Variants in ERBB4 observed in about 807,000 individuals in gnomAD.
The protein encoded by ERBB4 is erb-b2 receptor tyrosine kinase 4.
ERBB4 carries 42 observed loss-of-function variants against 158.0 expected under a neutral mutation model. That is an observed-to-expected ratio of 0.27 (90% CI 0.21 to 0.34). The LOEUF (loss-of-function observed/expected upper bound fraction) is 0.34, where lower values mean the gene tolerates loss of function less well. Among genes scored for constraint, ERBB4 ranks in the 10% least tolerant of loss-of-function variants. ERBB4 has a pLI of 1.00. For missense variants in ERBB4, 1,333 were observed against 1,624.1 expected, an observed-to-expected ratio of 0.82 and a Z score of 3.08; for synonymous variants, 583 against 558.7, an observed-to-expected ratio of 1.04 and a Z score of -0.61.
intron 2 of ERBB4, among the ~76,000 whole-genome samples, chr2:211,948,527 T>C (rs1456508914): frequency 2.0e-5 from 3 of 151,782 alleles, no homozygotes; most frequent in South Asian, 2.1e-4. Context: ...ACTGTTTAAA[T>C]TTAGTTGTCT....
At chr2:211,965,420 C>A (rs1195163510) in intron 2 of ERBB4, among the ~76,000 whole-genome samples, 2 of 152,098 alleles carry the variant, frequency 1.3e-5, no homozygotes, top group South Asian at 2.1e-4. Flanking sequence ...TATAAATATG[C>A]CATCTTCATA....
intron 15 of ERBB4, 115 bp downstream of exon 15, chr2:211,665,208 A>T: frequency 9.5e-7 from 1 of 1,052,662 alleles, no homozygotes; most frequent in Non-Finnish European, 1.5e-6. Flanking sequence ...CATTTTAAAT[A>T]TAAGGATTAG....
chr2:212,230,498 GTCAA>G (rs2083625310), intron 1 of ERBB4, among the ~76,000 whole-genome samples: 1 of 152,028 alleles, frequency 6.6e-6, no homozygotes, highest in Non-Finnish European at 1.5e-5. Flanking sequence ...CAAATTCATT[GTCAA>G]ACACCATCAC....
chr2:211,643,510 C>T (rs374824513), intron 16 of ERBB4, among the ~76,000 whole-genome samples: 113 of 152,154 alleles, frequency 7.4e-4, no homozygotes, highest in Non-Finnish European at 6.6e-4. Flanking sequence ...CTGAAAAGTT[C>T]GTATGAAAAG....
intron 1 of ERBB4, among the ~76,000 whole-genome samples, chr2:212,404,288 T>A (rs1007131475): frequency 6.6e-6 from 1 of 152,048 alleles, no homozygotes; most frequent in African/African-American, 2.4e-5. Flanking sequence ...TCTTCAATAC[T>A]CAATAAACTA....
rs114527315 is a variant in ERBB4 at position 212,258,598 on chromosome 2, T to C, written c.83-133695A>G. On this transcript the variant is annotated intron_variant, in intron 1 of 27. Coordinates refer to ENST00000342788, the MANE Select transcript of ERBB4 (RefSeq NM_005235.3). Reference sequence around the variant, plus strand: ...CAGGGAACATACTTGCCAATTTCTCTTTAAAAATATATAAGATATATATAA... The same window carrying C: ...CAGGGAACATACTTGCCAATTTCTCCTTAAAAATATATAAGATATATATAA... 9.7e-3 allele frequency among the ~76,000 whole-genome samples: 1,438 copies of C among 148,420 alleles called. 21 individuals are homozygous for C. The highest frequency in any genetic ancestry group is 0.034 in the African/African-American group (1,378 of 40,936).
intron 20 of ERBB4, among the ~76,000 whole-genome samples, chr2:211,536,994 T>A (rs1324372082): frequency 6.6e-6 from 1 of 152,022 alleles, no homozygotes; most frequent in Non-Finnish European, 1.5e-5. Flanking sequence ...AGACAAAAGC[T>A]TTTCTTTATT....
At chr2:212,290,250 T>C (rs2086154615) in intron 1 of ERBB4, among the ~76,000 whole-genome samples, 1 of 152,174 alleles carries the variant, frequency 6.6e-6, no homozygotes, top group Non-Finnish European at 1.5e-5. Flanking sequence ...TTCTGTTTCC[T>C]TCTTTTCCTG....
intron 4 of ERBB4, among the ~76,000 whole-genome samples, chr2:211,770,012 T>C (rs1315468007): frequency 2.0e-5 from 3 of 152,210 alleles, no homozygotes; most frequent in Non-Finnish European, 4.4e-5. Context: ...ATATTAACCA[T>C]CACAGATGAG....
chr2:212,114,090 T>C (rs531225155), intron 2 of ERBB4, among the ~76,000 whole-genome samples: 154 of 152,348 alleles, frequency 1.0e-3, no homozygotes, highest in African/African-American at 3.2e-3. Flanking sequence ...TGCAGTGAAC[T>C]AGACATGGGC....
intron 1 of ERBB4, among the ~76,000 whole-genome samples, chr2:212,317,085 A>T (rs1343420165): frequency 6.6e-6 from 1 of 151,514 alleles, no homozygotes; most frequent in Non-Finnish European, 1.5e-5. Context: ...TAAAAATGTA[A>T]AATTGTTGAG....
At chr2:212,090,609 C>T (rs943051134) in intron 2 of ERBB4, among the ~76,000 whole-genome samples, 2 of 152,100 alleles carry the variant, frequency 1.3e-5, no homozygotes, top group Non-Finnish European at 2.9e-5. Context: ...GCTTGCTCCA[C>T]AATTCTCCAT....
chr2:211,769,661 G>T (rs1284549918), intron 4 of ERBB4, among the ~76,000 whole-genome samples: 1 of 152,148 alleles, frequency 6.6e-6, no homozygotes, highest in Non-Finnish European at 1.5e-5. Flanking sequence ...TCAGTCTGTG[G>T]CCAAAGTGGC....
chr2:211,428,233 AAAATAAAATAT>A (rs773650003), intron 22 of ERBB4, among the ~76,000 whole-genome samples, 164 bp downstream of exon 22: 1 of 145,414 alleles, frequency 6.9e-6, no homozygotes, highest in Non-Finnish European at 1.5e-5. Flanking sequence ...AAAATAAAAT[AAAATAAAATAT>A]TTTTTTTTCA....
intron 1 of ERBB4, among the ~76,000 whole-genome samples, chr2:212,498,307 T>G (rs966926829): frequency 1.2e-4 from 18 of 152,142 alleles, no homozygotes; most frequent in Admixed American, 6.6e-5. Context: ...GGATTAATTT[T>G]TCTTGGTTTT....
intron 2 of ERBB4, among the ~76,000 whole-genome samples, chr2:212,096,584 T>C (rs2078940051): frequency 6.6e-6 from 1 of 152,206 alleles, no homozygotes; most frequent in Admixed American, 6.5e-5. Flanking sequence ...GAGTAAGTCA[T>C]TGAAACTCAC....
chr2:211,566,137 T>C (rs2067539031), intron 19 of ERBB4, among the ~76,000 whole-genome samples: 1 of 152,040 alleles, frequency 6.6e-6, no homozygotes, highest in African/African-American at 2.4e-5. Flanking sequence ...CAGGAGTAGG[T>C]CCTCTCCAAT....
chr2:212,242,899 A>C (rs1027391781), intron 1 of ERBB4, among the ~76,000 whole-genome samples: 3 of 152,144 alleles, frequency 2.0e-5, no homozygotes, highest in Non-Finnish European at 4.4e-5. Flanking sequence ...CGGCTAAAGA[A>C]AGAAATATTT....
chr2:211,613,388 A>C (rs2069270924), intron 19 of ERBB4, among the ~76,000 whole-genome samples: 1 of 147,914 alleles, frequency 6.8e-6, no homozygotes. Context: ...TGAACTAGAA[A>C]GGCAGGAGAA....
Sources: gnomAD v4.1 joint callset for allele counts (sites outside exome capture counted in the v4.1 genomes callset) on GRCh38, gnomAD v4.1.1 for gene constraint, MANE v1.5 for transcripts, NCBI Gene and HGNC (gene_info 2026-07-23, HGNC 2026-07-21) for gene names.